Variants in RSF1 observed in about 807,000 individuals in gnomAD.
The protein encoded by RSF1 is HBV pX-associated protein 8.
In RSF1, 13 loss-of-function variants were observed where a neutral mutation model predicts 145.2. The ratio of observed to expected loss-of-function variants is 0.09; its 90% CI spans 0.06 to 0.14. The LOEUF (loss-of-function observed/expected upper bound fraction) is 0.14. RSF1 is among the 10% of genes least tolerant of loss of function. The probability of loss-of-function intolerance (pLI) is 1.00; values close to 1 mark genes in which losing one functional copy is unlikely to be tolerated. For missense variants in RSF1, 1,517 were observed against 1,718.2 expected (o/e 0.88, Z 2.07); for synonymous variants, 577 against 592.6 (o/e 0.97, Z 0.38).
chr11:77,685,196 C>T (rs761158183), intron 9 of RSF1, 37 bp from the exon 10 acceptor site: 1 of 1,308,002 alleles, frequency 7.6e-7, no homozygotes, highest in South Asian at 1.5e-5. Flanking sequence ...ATGAGATTTG[C>T]AGAAAATAAA....
intron 1 of RSF1, among the ~76,000 whole-genome samples, chr11:77,817,832 T>C (rs1305670865): frequency 1.3e-5 from 2 of 152,230 alleles, no homozygotes; most frequent in Non-Finnish European, 2.9e-5. Context: ...TCTTGTTGGC[T>C]GAGCCACTAT....
chr11:77,780,147 G>A (rs1356095712), intron 1 of RSF1, among the ~76,000 whole-genome samples: 1 of 152,098 alleles, frequency 6.6e-6, no homozygotes, highest in Non-Finnish European at 1.5e-5. Flanking sequence ...CAGCACCTAG[G>A]ACAGTGGCTA....
intron 1 of RSF1, among the ~76,000 whole-genome samples, chr11:77,804,416 GAC>G (rs1367902635): frequency 6.6e-6 from 1 of 152,194 alleles, no homozygotes; most frequent in African/African-American, 2.4e-5. Flanking sequence ...GTGAAATGGG[GAC>G]AGTCTTGTTG....
chr11:77,726,431 G>C (rs1346584836), intron 4 of RSF1, among the ~76,000 whole-genome samples: 1 of 152,106 alleles, frequency 6.6e-6, no homozygotes, highest in African/African-American at 2.4e-5. Context: ...CTCCCAAGTA[G>C]CTAGGACTAC....
the RSF1 span, among the ~76,000 whole-genome samples, chr11:77,840,050 G>A: frequency 0.14 from 21,538 of 151,828 alleles, 1,725 homozygotes; most frequent in Admixed American, 0.2. Flanking sequence ...AGGGTTGATA[G>A]CATGTTATCA....
At chr11:77,728,595 G>C (rs1360242972) in intron 4 of RSF1, among the ~76,000 whole-genome samples, 1 of 151,454 alleles carries the variant, frequency 6.6e-6, no homozygotes, top group Non-Finnish European at 1.5e-5. Context: ...AAGGAAAAAG[G>C]GAAGGGAAGG....
At position 77,702,435 on chromosome 11, in the gene RSF1, C is replaced by T. The variant is rs746862623; in HGVS notation, c.794G>A (p.Arg265His). The T allele has an allele frequency of 1.9e-5, 30 of 1,581,410 alleles. No homozygotes were observed. Among genetic ancestry groups the T allele is most frequent in the Admixed American group, 6.0e-5 (3 of 49,924 alleles). The change falls in exon 6 of 16, where the codon CGT becomes CAT. Residue 265 changes from arginine (R) to histidine (H), a missense_variant. Arg to His is a conservative substitution (Grantham distance 29, BLOSUM62 0). Transcript: ENST00000308488. Reference sequence around the variant, plus strand: ...CTCTTCTAGAACATTGGCTGTAGAACGGTTTTCTAAATCCATAGGCTGCTC... The same window carrying T: ...CTCTTCTAGAACATTGGCTGTAGAATGGTTTTCTAAATCCATAGGCTGCTC... ...SEEQPMDLEN[R>H]STANVLEETT... is the part of the protein sequence containing the mutation.
At chr11:77,839,670 G>A in the RSF1 span, among the ~76,000 whole-genome samples, 1 of 152,118 alleles carries the variant, frequency 6.6e-6, no homozygotes, top group Non-Finnish European at 1.5e-5. Context: ...TCCTTTGCAG[G>A]GACACAGATG....
chr11:77,772,606 G>A (rs141261692), intron 1 of RSF1, among the ~76,000 whole-genome samples: 268 of 152,022 alleles, frequency 1.8e-3, no homozygotes, highest in South Asian at 5.8e-3. Context: ...CAGGAGAGAG[G>A]GGTGCAAACA....
At chr11:77,774,982 G>A (rs1484569367) in intron 1 of RSF1, among the ~76,000 whole-genome samples, 5 of 151,332 alleles carry the variant, frequency 3.3e-5, no homozygotes, top group African/African-American at 1.2e-4. Flanking sequence ...TGGCCAGGCT[G>A]GTCTCGAATC....
intron 1 of RSF1, among the ~76,000 whole-genome samples, chr11:77,777,588 C>T (rs374539054): frequency 3.3e-5 from 5 of 152,068 alleles, no homozygotes; most frequent in African/African-American, 1.2e-4. Flanking sequence ...AGCGAAACTC[C>T]GTCTCAAAAT....
At chr11:77,844,211 T>A in the RSF1 span, among the ~76,000 whole-genome samples, 1 of 152,158 alleles carries the variant, frequency 6.6e-6, no homozygotes, top group Non-Finnish European at 1.5e-5. Flanking sequence ...ACTAATCTCA[T>A]TCATGAGGGC....
intron 1 of RSF1, among the ~76,000 whole-genome samples, chr11:77,816,971 C>T (rs190586031): frequency 6.6e-6 from 1 of 152,302 alleles, no homozygotes; most frequent in African/African-American, 2.4e-5. Context: ...TGACTAACAC[C>T]AACAGTTAGC....
At chr11:77,777,838 C>T (rs1385321200) in intron 1 of RSF1, among the ~76,000 whole-genome samples, 2 of 151,230 alleles carry the variant, frequency 1.3e-5, no homozygotes, top group East Asian at 2.0e-4. Flanking sequence ...AACAAATGAA[C>T]GAACAAACAA....
intron 1 of RSF1, among the ~76,000 whole-genome samples, chr11:77,766,138 C>CA (rs58857265): frequency 0.025 from 3,568 of 141,336 alleles, 118 homozygotes; most frequent in African/African-American, 0.083. Flanking sequence ...AATGCTGGAT[C>CA]AAAAAAAAAA....
chr11:77,865,281 T>C, the RSF1 span, among the ~76,000 whole-genome samples: 1 of 152,116 alleles, frequency 6.6e-6, no homozygotes, highest in Admixed American at 6.5e-5. Context: ...AAGATAGAAG[T>C]GTCTTTCTCT....
At chr11:77,801,673 T>C (rs557008785) in intron 1 of RSF1, among the ~76,000 whole-genome samples, 1 of 152,222 alleles carries the variant, frequency 6.6e-6, no homozygotes, top group East Asian at 1.9e-4. Flanking sequence ...TAGAAGCCTC[T>C]TTTGTTCTAA....
intron 5 of RSF1, among the ~76,000 whole-genome samples, chr11:77,707,502 C>G (rs576231173): frequency 6.6e-6 from 1 of 152,200 alleles, no homozygotes; most frequent in South Asian, 2.1e-4. Context: ...AAAATATAAG[C>G]TAAAACTAAA....
upstream of RSF1, among the ~76,000 whole-genome samples, chr11:77,824,794 T>C (rs941279620): frequency 1.3e-5 from 2 of 152,230 alleles, no homozygotes; most frequent in Admixed American, 6.5e-5. Flanking sequence ...TTCTCAAAAT[T>C]CATTGAACTC....
Sources: allele counts gnomAD v4.1 joint callset (sites outside exome capture counted in the v4.1 genomes callset), GRCh38; gene constraint gnomAD v4.1.1; transcripts MANE v1.5; gene names NCBI Gene and HGNC (gene_info 2026-07-23, HGNC 2026-07-21).